The following PTPRM variants were observed in gnomAD, a reference collection of about 807,000 sequenced individuals.
PTPRM encodes the protein receptor-type tyrosine-protein phosphatase mu.
In PTPRM, 47 loss-of-function variants were observed where a neutral mutation model predicts 186.7. The ratio of observed to expected loss-of-function variants is 0.25; its 90% CI spans 0.20 to 0.32. The LOEUF is 0.32. Among genes scored for constraint, PTPRM ranks in the 10% least tolerant of loss-of-function variants. PTPRM has a pLI of 1.00. For synonymous variants in PTPRM, 668 were observed against 674.9 expected, an observed-to-expected ratio of 0.99 and a Z score of 0.16; for missense variants, 1,494 against 1,865.0, an observed-to-expected ratio of 0.80 and a Z score of 3.66.
chr18:8,114,858 T>C (rs537008754), intron 13 of PTPRM, 31 bp downstream of exon 13: 3 of 1,580,154 alleles, frequency 1.9e-6, no homozygotes, highest in Admixed American at 1.7e-5. Context: ...ATTCTCCTAA[T>C]TAATGTTCCT....
intron 2 of PTPRM, among the ~76,000 whole-genome samples, chr18:7,807,962 C>CT (rs537505584): frequency 1.2e-3 from 187 of 152,212 alleles, no homozygotes; most frequent in African/African-American, 4.3e-3. Flanking sequence ...ATTCGTGGCT[C>CT]TTTTTTTCTC....
chr18:7,890,225 C>T (rs2049001836), intron 3 of PTPRM, among the ~76,000 whole-genome samples: 1 of 152,156 alleles, frequency 6.6e-6, no homozygotes, highest in Non-Finnish European at 1.5e-5. Flanking sequence ...AGACAGGAGC[C>T]AGCTGGAACA....
intron 11 of PTPRM, among the ~76,000 whole-genome samples, chr18:8,106,041 C>T (rs964471506): frequency 2.6e-5 from 4 of 152,294 alleles, no homozygotes; most frequent in Non-Finnish European, 2.9e-5. Context: ...GTACCTCCTT[C>T]TTCATCCTTA....
chr18:8,053,958 G>A (rs1311181708), intron 7 of PTPRM, among the ~76,000 whole-genome samples: 2 of 151,954 alleles, frequency 1.3e-5, no homozygotes, highest in Non-Finnish European at 2.9e-5. Context: ...AAAATGCAGA[G>A]GAGTTCAAAA....
chr18:8,315,279 ACT>A (rs1165607366), intron 21 of PTPRM, among the ~76,000 whole-genome samples: 1 of 152,130 alleles, frequency 6.6e-6, no homozygotes, highest in Non-Finnish European at 1.5e-5. Flanking sequence ...ATGGGACAAA[ACT>A]CTCTAATTCC....
intron 14 of PTPRM, among the ~76,000 whole-genome samples, chr18:8,160,389 C>T (rs1320811118): frequency 6.6e-6 from 1 of 152,102 alleles, no homozygotes; most frequent in African/African-American, 2.4e-5. Flanking sequence ...CTCAAGTGAT[C>T]CCCCGTCTCA....
rs112898693 is a variant in PTPRM, at chr18:7,772,244, T to TTCTTC, written c.74-1904_74-1903insCTTCT. On this transcript the variant is annotated intron_variant, in intron 1 of 32. Coordinates refer to ENST00000580170, the MANE Select transcript of PTPRM (RefSeq NM_001105244.2). ...CTTTCCTGTGCAAAAGCTAAGATCT[T>TTCTTC]TTTTCTTTTCTTTTCTTTTCTTTTC... is the stretch of plus-strand genomic sequence containing the variant. 2.1e-5 allele frequency among the ~76,000 whole-genome samples: 3 copies of TTCTTC among 140,160 alleles called. No individual in the cohort carries two copies. The East Asian group carries it at 6.4e-4, about 30-fold the overall frequency. The allele number at this position is 140,160 out of a possible 152,430, so 92.0% of individuals were successfully genotyped here. A position where few individuals can be genotyped will look rare whatever the true frequency, so the allele number is the denominator to read the frequency against.
At chr18:8,306,191 C>T (rs2095220017) in intron 20 of PTPRM, among the ~76,000 whole-genome samples, 1 of 152,094 alleles carries the variant, frequency 6.6e-6, no homozygotes, top group African/African-American at 2.4e-5. Flanking sequence ...GCCACTGCGC[C>T]TGGCAGCGTA....
At chr18:7,893,048 T>C (rs1442085563) in intron 3 of PTPRM, among the ~76,000 whole-genome samples, 2 of 152,236 alleles carry the variant, frequency 1.3e-5, no homozygotes, top group Non-Finnish European at 2.9e-5. Context: ...CTTCATACTT[T>C]GAATTTAAAG....
At chr18:7,813,802 AT>A (rs1251140442) in intron 2 of PTPRM, among the ~76,000 whole-genome samples, 2 of 151,194 alleles carry the variant, frequency 1.3e-5, no homozygotes, top group East Asian at 3.9e-4. Flanking sequence ...TTGTGGGATA[AT>A]TCTTTGGCTC....
At chr18:8,209,780 A>G (rs1427871369) in intron 14 of PTPRM, among the ~76,000 whole-genome samples, 1 of 152,000 alleles carries the variant, frequency 6.6e-6, no homozygotes, top group East Asian at 1.9e-4. Flanking sequence ...CAATGAGAAC[A>G]CATGGACACA....
chr18:8,038,752 A>G (rs574773107), intron 7 of PTPRM, among the ~76,000 whole-genome samples: 5 of 152,134 alleles, frequency 3.3e-5, no homozygotes, highest in Admixed American at 1.3e-4. Context: ...CACAGTGTTC[A>G]TAGTATTTCC....
chr18:8,137,846 C>A lies in PTPRM; in HGVS notation c.2168-5801C>A, dbSNP rs79431357. ...CCTCTGACAAGGAGCCCTCCCTCAT[C>A]CCCTCCACTCTTCCCCAGCTGGACT... On this transcript the variant is annotated intron_variant, in intron 13 of 32. Coordinates refer to ENST00000580170, the MANE Select transcript of PTPRM (RefSeq NM_001105244.2). Among the ~76,000 whole-genome samples, 630 of 152,184 alleles carry A rather than the reference C, an allele frequency of 4.1e-3. 1 individual carries two copies. Among genetic ancestry groups the A allele is most frequent in the African/African-American group, 0.015 (610 of 41,514 alleles).
Position 8,406,297 on chromosome 18 carries a change from A to T in PTPRM, c.*135A>T. ...ATAATTGGCTCTTTTTAAGAGCCCA[A>T]GAAAGTGTTTCTAAAATTGCTTGCA... On this transcript the variant is annotated 3_prime_UTR_variant, in exon 33 of 33. Transcript: ENST00000580170. The T allele has an allele frequency of 1.2e-6, 1 of 811,416 alleles. No homozygotes were observed. Among genetic ancestry groups the T allele is most frequent in the Non-Finnish European group, 2.0e-6 (1 of 511,254 alleles). The allele number at this position is 811,416 out of a possible 1,614,324, so 50.3% of individuals were successfully genotyped here.
At chr18:7,785,562 A>G (rs1344689558) in intron 2 of PTPRM, among the ~76,000 whole-genome samples, 1 of 152,252 alleles carries the variant, frequency 6.6e-6, no homozygotes, top group Non-Finnish European at 1.5e-5. Context: ...CAAAATTTGC[A>G]GTATAAATGT....
intron 7 of PTPRM, among the ~76,000 whole-genome samples, chr18:7,983,226 A>C (rs1296462282): frequency 6.6e-6 from 1 of 152,066 alleles, no homozygotes; most frequent in East Asian, 1.9e-4. Flanking sequence ...AGCGGCCATT[A>C]GATTTTCGTG....
At chr18:7,816,060 G>A (rs1200980312) in intron 2 of PTPRM, among the ~76,000 whole-genome samples, 1 of 152,168 alleles carries the variant, frequency 6.6e-6, no homozygotes. Flanking sequence ...TGTGCCTTAG[G>A]TCCCAGTTTA....
intron 4 of PTPRM, among the ~76,000 whole-genome samples, chr18:7,921,737 T>TTTG (rs1459727351): frequency 1.3e-5 from 2 of 152,142 alleles, no homozygotes; most frequent in African/African-American, 4.8e-5. Flanking sequence ...TTCTGTTTTT[T>TTTG]TTTGTTTGTT....
At chr18:8,203,763 CAT>C (rs1273865948) in intron 14 of PTPRM, among the ~76,000 whole-genome samples, 1 of 152,144 alleles carries the variant, frequency 6.6e-6, no homozygotes, top group Non-Finnish European at 1.5e-5. Flanking sequence ...CACACACACA[CAT>C]GCATAGTGAA....
Sources: gnomAD v4.1 joint callset for allele counts (sites outside exome capture counted in the v4.1 genomes callset) on GRCh38, gnomAD v4.1.1 for gene constraint, MANE v1.5 for transcripts, NCBI Gene and HGNC (gene_info 2026-07-23, HGNC 2026-07-21) for gene names.